CD86: variants seen among roughly 807,000 people sequenced by gnomAD.
The protein encoded by CD86 is T-lymphocyte activation antigen CD86.
Under a neutral mutation model 32.1 loss-of-function variants are expected in CD86, and 11 were observed. The ratio of observed to expected loss-of-function variants is 0.34; its 90% CI spans 0.22 to 0.57. The LOEUF is 0.57. Among genes scored for constraint, CD86 ranks in the 20% least tolerant of loss-of-function variants. The pLI, the probability that CD86 is intolerant of heterozygous loss-of-function variation, is 0.86. For synonymous variants in CD86, 137 were observed against 135.3 expected (o/e 1.01, Z -0.09); for missense variants, 359 against 398.4 (o/e 0.90, Z 0.84).
At chr3:122,101,513 A>AATATATATATATAT (rs58001956) in intron 2 of CD86, among the ~76,000 whole-genome samples, 38 of 46,286 alleles carry the variant, frequency 8.2e-4, no homozygotes, top group African/African-American at 1.9e-3. Context: ...AAAAAAAAAA[A>AATATATATATATAT]ATATATATAT....
intron 2 of CD86, 106 bp from the exon 3 acceptor site, chr3:122,103,406 C>T: frequency 1.4e-6 from 1 of 724,654 alleles, no homozygotes; most frequent in Non-Finnish European, 2.3e-6. Context: ...TATTCTTCAG[C>T]ATGATTACTG....
At chr3:122,071,131 T>C (rs1559899059) in intron 1 of CD86, among the ~76,000 whole-genome samples, 1 of 152,234 alleles carries the variant, frequency 6.6e-6, no homozygotes, top group Non-Finnish European at 1.5e-5. Context: ...ATTATTATTA[T>C]TATTTAAAGC....
At chr3:122,101,252 T>C (rs972528940) in intron 2 of CD86, among the ~76,000 whole-genome samples, 2 of 151,986 alleles carry the variant, frequency 1.3e-5, no homozygotes, top group Non-Finnish European at 2.9e-5. Context: ...AAATGGAGGT[T>C]CTGAATCAGT....
intron 2 of CD86, among the ~76,000 whole-genome samples, chr3:122,101,513 A>AAAAAAAAT (rs1202377219): frequency 4.3e-5 from 2 of 46,330 alleles, no homozygotes; most frequent in South Asian, 7.4e-4. Flanking sequence ...AAAAAAAAAA[A>AAAAAAAAT]ATATATATAT....
intron 2 of CD86, among the ~76,000 whole-genome samples, chr3:122,098,004 A>G (rs1436124155): frequency 2.6e-5 from 4 of 152,326 alleles, no homozygotes; most frequent in Admixed American, 6.5e-5. Context: ...CCCTTCAGAG[A>G]CTGCCATGCA....
At chr3:122,115,343 T>C (rs994347607) in intron 5 of CD86, among the ~76,000 whole-genome samples, 2 of 152,148 alleles carry the variant, frequency 1.3e-5, no homozygotes, top group Non-Finnish European at 2.9e-5. Context: ...ACAATATTAC[T>C]ACTGGAGAAA....
intron 1 of CD86, among the ~76,000 whole-genome samples, chr3:122,065,842 A>T (rs548196003): frequency 1.3e-5 from 2 of 152,254 alleles, no homozygotes; most frequent in South Asian, 4.1e-4. Flanking sequence ...GGGTGTTGGA[A>T]GAAACTGAAT....
At chr3:122,098,288 G>C (rs1162921432) in intron 2 of CD86, among the ~76,000 whole-genome samples, 2 of 152,208 alleles carry the variant, frequency 1.3e-5, no homozygotes, top group Admixed American at 6.5e-5. Flanking sequence ...CTGGGAGGTA[G>C]CATTTAATGA....
chr3:122,077,461 T>A (rs187408307), intron 1 of CD86, among the ~76,000 whole-genome samples: 3 of 152,172 alleles, frequency 2.0e-5, no homozygotes, highest in Non-Finnish European at 1.5e-5. Context: ...GGTGGAGAGA[T>A]GTACTTAATG....
At chr3:122,114,112 G>A (rs1396350605) in intron 5 of CD86, among the ~76,000 whole-genome samples, 1 of 152,026 alleles carries the variant, frequency 6.6e-6, no homozygotes, top group Non-Finnish European at 1.5e-5. Context: ...TTAGCTGGGT[G>A]TGGTGGCAGG....
chr3:122,068,260 C>A (rs139079973), intron 1 of CD86, among the ~76,000 whole-genome samples: 1 of 151,942 alleles, frequency 6.6e-6, no homozygotes, highest in Non-Finnish European at 1.5e-5. Flanking sequence ...CTTTCACGGA[C>A]CTTCATGCTT....
chr3:122,090,379 T>C (rs928658364), intron 1 of CD86, among the ~76,000 whole-genome samples: 7 of 152,186 alleles, frequency 4.6e-5, no homozygotes, highest in African/African-American at 1.7e-4. Flanking sequence ...CTGGAAAGAA[T>C]TGATTTGTTT....
intron 5 of CD86, among the ~76,000 whole-genome samples, chr3:122,112,307 T>A (rs1056873161): frequency 9.2e-5 from 14 of 152,184 alleles, no homozygotes; most frequent in Non-Finnish European, 1.9e-4. Context: ...TATTATTATT[T>A]TTTTTTAATT....
At position 122,119,476 on chromosome 3, in the gene CD86, A is replaced by T; in HGVS notation, c.932A>T (p.Gln311Leu). The change falls in exon 7 of 7, where the codon CAG becomes CTG. Residue 311 changes from glutamine to leucine, a missense_variant. Physicochemically the swap from Gln to Leu is moderately radical, Grantham distance 113 (BLOSUM62 -2). Transcript: ENST00000330540. ...IHIPERSDEAQRVFKSSKTSS... is the reference protein window; with the variant it reads ...IHIPERSDEALRVFKSSKTSS... The stretch of plus-strand genomic sequence containing the variant: ...ATACCTGAAAGATCTGATGAAGCCC[A>T]GCGTGTTTTTAAAAGTTCGAAGACA... 1.2e-6 allele frequency: 2 copies of T among 1,611,814 alleles called. No homozygotes were observed.
intron 1 of CD86, among the ~76,000 whole-genome samples, chr3:122,068,820 G>C (rs1477388297): frequency 1.3e-5 from 2 of 152,168 alleles, no homozygotes; most frequent in African/African-American, 4.8e-5. Context: ...CTAGAATACA[G>C]AATTATTAAA....
chr3:122,070,825 T>A (rs1421284719), intron 1 of CD86, among the ~76,000 whole-genome samples: 2 of 152,196 alleles, frequency 1.3e-5, no homozygotes, highest in South Asian at 2.1e-4. Context: ...CATAGGGAAG[T>A]GAACATGTGG....
chr3:122,065,181 C>A (rs1366909766), intron 1 of CD86, among the ~76,000 whole-genome samples: 1 of 152,134 alleles, frequency 6.6e-6, no homozygotes, highest in African/African-American at 2.4e-5. Context: ...CTATGAACAA[C>A]CATGCTATAT....
chr3:122,091,051 T>A (rs1176048174), intron 1 of CD86, among the ~76,000 whole-genome samples: 1 of 152,212 alleles, frequency 6.6e-6, no homozygotes, highest in Non-Finnish European at 1.5e-5. Flanking sequence ...AATGCAATAC[T>A]AACCGATTGC....
chr3:122,086,944 G>A (rs77989862), intron 1 of CD86, among the ~76,000 whole-genome samples: 14,765 of 152,174 alleles, frequency 0.097, 926 homozygotes, highest in South Asian at 0.21. Flanking sequence ...AGGCTGCATG[G>A]GTTTAAATCT....
Sources: allele counts gnomAD v4.1 joint callset (sites outside exome capture counted in the v4.1 genomes callset), GRCh38; gene constraint gnomAD v4.1.1; transcripts MANE v1.5; gene names NCBI Gene and HGNC (gene_info 2026-07-23, HGNC 2026-07-21).